SH3KBP1: variants seen among roughly 807,000 people sequenced by gnomAD.
SH3KBP1 encodes SH3 domain containing kinase binding protein 1, also known as SH3 domain-containing kinase-binding protein 1.
Under a neutral mutation model 50.1 loss-of-function variants are expected in SH3KBP1, and 8 were observed. The ratio of observed to expected loss-of-function variants is 0.16; its 90% confidence interval spans 0.09 to 0.29. The LOEUF is 0.29. Ranked by LOEUF, SH3KBP1 falls within the 10% of genes least tolerant of loss-of-function variation. The pLI is 1.00. For synonymous variants in SH3KBP1, 227 were observed against 218.6 expected (o/e 1.04, Z -0.34); for missense variants, 377 against 535.2 (o/e 0.70, Z 2.92).
intron 14 of SH3KBP1, among the ~76,000 whole-genome samples, chrX:19,549,669 AT>A (rs921012523): frequency 2.7e-5 from 3 of 111,489 alleles, no homozygotes; most frequent in Non-Finnish European, 3.8e-5. Context: ...ATAAAACGTG[AT>A]TTTTTTTCTT....
chrX:19,622,371 G>C (rs1400632214), intron 8 of SH3KBP1, among the ~76,000 whole-genome samples: 1 of 112,361 alleles, frequency 8.9e-6, no homozygotes, highest in Non-Finnish European at 1.9e-5. Context: ...ACTCCTGTGA[G>C]GAGACTAAAT....
At chrX:19,786,002 G>C (rs901490219) in intron 2 of SH3KBP1, among the ~76,000 whole-genome samples, 1 of 111,660 alleles carries the variant, frequency 9.0e-6, no homozygotes, top group Admixed American at 9.5e-5. Context: ...GAAGATTAGT[G>C]GCACAACAAT....
chrX:19,733,290 T>C (rs1365395553), intron 3 of SH3KBP1, among the ~76,000 whole-genome samples: 2 of 110,834 alleles, frequency 1.8e-5, no homozygotes, highest in East Asian at 5.5e-4. Flanking sequence ...TGAAGGGTGA[T>C]AGGAAGGCTG....
At chrX:19,719,041 TACTC>T (rs2063987753) in intron 3 of SH3KBP1, among the ~76,000 whole-genome samples, 1 of 111,448 alleles carries the variant, frequency 9.0e-6, no homozygotes, top group African/African-American at 3.3e-5. Flanking sequence ...CACACATACA[TACTC>T]ATTCATTCAG....
chrX:19,881,183 G>A (rs1470934590), intron 1 of SH3KBP1, among the ~76,000 whole-genome samples: 1 of 112,006 alleles, frequency 8.9e-6, no homozygotes, highest in Non-Finnish European at 1.9e-5. Flanking sequence ...TAGAATAAGC[G>A]AAAGCATTGG....
intron 1 of SH3KBP1, among the ~76,000 whole-genome samples, chrX:19,854,372 T>C (rs1482181679): frequency 1.8e-5 from 2 of 111,116 alleles, no homozygotes; most frequent in African/African-American, 6.6e-5. Flanking sequence ...CCGCCTCACC[T>C]CCCAAAGTGC....
chrX:19,594,661 A>G (rs2066843526), intron 10 of SH3KBP1, among the ~76,000 whole-genome samples: 1 of 110,400 alleles, frequency 9.1e-6, no homozygotes, highest in African/African-American at 3.3e-5. Flanking sequence ...AAAAACCCAA[A>G]CTTGTTTTTT....
At chrX:19,565,006 A>G (rs1157407849) in intron 13 of SH3KBP1, among the ~76,000 whole-genome samples, 1 of 105,159 alleles carries the variant, frequency 9.5e-6, no homozygotes, top group African/African-American at 3.6e-5. Flanking sequence ...ATGTGGACCT[A>G]GAAGGTTTGG....
intron 2 of SH3KBP1, among the ~76,000 whole-genome samples, chrX:19,768,134 C>T (rs2065678367): frequency 9.1e-6 from 1 of 110,206 alleles, no homozygotes; most frequent in South Asian, 4.0e-4. Flanking sequence ...GAATTTTACC[C>T]AGACACAAAC....
chrX:19,547,015 G>A (rs937466966), intron 14 of SH3KBP1, among the ~76,000 whole-genome samples: 7 of 110,720 alleles, frequency 6.3e-5, no homozygotes, highest in Admixed American at 5.8e-4. Flanking sequence ...GGCCAGGCAT[G>A]GTGGTGTGCA....
At chrX:19,654,211 C>G (rs1249774052) in intron 6 of SH3KBP1, among the ~76,000 whole-genome samples, 1 of 111,552 alleles carries the variant, frequency 9.0e-6, no homozygotes, top group East Asian at 2.8e-4. Flanking sequence ...TGATCATTTG[C>G]TTCATTTGCT....
At chrX:19,665,793 T>A (rs1261621211) in intron 6 of SH3KBP1, among the ~76,000 whole-genome samples, 1 of 112,034 alleles carries the variant, frequency 8.9e-6, no homozygotes, top group African/African-American at 3.2e-5. Flanking sequence ...GCTGGATAGC[T>A]TCTTTTAAAG....
chrX:19,569,440 T>G (rs1309727325), intron 12 of SH3KBP1, among the ~76,000 whole-genome samples: 1 of 112,340 alleles, frequency 8.9e-6, no homozygotes, highest in East Asian at 2.8e-4. Flanking sequence ...TGTTCGCCCA[T>G]GTACTTCCAG....
chrX:19,773,657 T>C (rs777677079), intron 2 of SH3KBP1, among the ~76,000 whole-genome samples: 35 of 107,573 alleles, frequency 3.3e-4, no homozygotes, highest in Non-Finnish European at 5.8e-4. Flanking sequence ...GAGACTGAGA[T>C]CATCCTGGCT....
intron 1 of SH3KBP1, among the ~76,000 whole-genome samples, chrX:19,872,009 T>C (rs1033885626): frequency 3.6e-5 from 4 of 109,754 alleles, no homozygotes; most frequent in Admixed American, 9.8e-5. Context: ...CCCAGCACTT[T>C]GGGAGGCTGA....
rs1183216305 is a variant in SH3KBP1, at chrX:19,727,039, G to A, written c.286+19279C>T. Among the ~76,000 whole-genome samples the A allele has an allele frequency of 1.8e-5, 2 of 112,212 alleles. 1 individual carries two copies. The highest frequency in any genetic ancestry group is 3.8e-5 in the Non-Finnish European group (2 of 53,210). ...AACACACACAATGCAACTGAGACAA[G>A]GTAACATACATGACAGATCAACTGT... On this transcript the variant is annotated intron_variant, in intron 3 of 17. Coordinates refer to ENST00000397821, the MANE Select transcript of SH3KBP1 (RefSeq NM_031892.3).
chrX:19,731,249 T>A (rs868567857), intron 3 of SH3KBP1, among the ~76,000 whole-genome samples: 3 of 112,705 alleles, frequency 2.7e-5, no homozygotes, highest in Non-Finnish European at 5.6e-5. Flanking sequence ...TACACTTTCA[T>A]TTATAAAACC....
chrX:19,556,663 G>T (rs1396136098), intron 13 of SH3KBP1, among the ~76,000 whole-genome samples: 4 of 111,134 alleles, frequency 3.6e-5, no homozygotes, highest in Non-Finnish European at 7.6e-5. Flanking sequence ...AAGTTTTAGG[G>T]GGTTTTGGTT....
At chrX:19,860,896 T>C (rs2068759973) in intron 1 of SH3KBP1, among the ~76,000 whole-genome samples, 1 of 111,716 alleles carries the variant, frequency 9.0e-6, no homozygotes. Flanking sequence ...TAGCATAGTA[T>C]AGTATTTAGC....
Sources: allele counts gnomAD v4.1 joint callset (sites outside exome capture counted in the v4.1 genomes callset), GRCh38; gene constraint gnomAD v4.1.1; transcripts MANE v1.5; gene names NCBI Gene and HGNC (gene_info 2026-07-23, HGNC 2026-07-21).